Variants in SKAP1 observed in about 807,000 individuals in gnomAD.
SKAP1 encodes src kinase-associated phosphoprotein 1.
SKAP1 carries 44 observed loss-of-function variants against 58.5 expected under a neutral mutation model. The ratio of observed to expected loss-of-function variants is 0.75; its 90% CI spans 0.59 to 0.97. SKAP1 has a LOEUF of 0.97. Among genes scored for constraint, SKAP1 ranks in the 50% least tolerant of loss-of-function variants. The probability of loss-of-function intolerance (pLI) is 0.00; values close to 1 mark genes in which losing one functional copy is unlikely to be tolerated. For missense variants in SKAP1, 390 were observed against 435.2 expected (o/e 0.90, Z 0.92); for synonymous variants, 127 against 149.7 (o/e 0.85, Z 1.11).
At chr17:48,389,959 TA>T (rs1364331361) in intron 2 of SKAP1, among the ~76,000 whole-genome samples, 1 of 152,148 alleles carries the variant, frequency 6.6e-6, no homozygotes, top group Non-Finnish European at 1.5e-5. Flanking sequence ...AACATTTATT[TA>T]AAAAAATAAT....
At chr17:48,276,858 G>A (rs1018907633) in intron 4 of SKAP1, among the ~76,000 whole-genome samples, 2 of 152,118 alleles carry the variant, frequency 1.3e-5, no homozygotes, top group Non-Finnish European at 2.9e-5. Context: ...AGTTGTATGC[G>A]TTTCTCTGTA....
chr17:48,358,034 T>A (rs989847620), intron 3 of SKAP1, among the ~76,000 whole-genome samples: 1 of 152,208 alleles, frequency 6.6e-6, no homozygotes, highest in African/African-American at 2.4e-5. Context: ...GGAATATTTC[T>A]TTTTTTAAAA....
chr17:48,275,222 G>A (rs1008468743), intron 4 of SKAP1, among the ~76,000 whole-genome samples: 8 of 152,016 alleles, frequency 5.3e-5, no homozygotes, highest in Non-Finnish European at 1.0e-4. Flanking sequence ...TTGTCCTTTC[G>A]AATGTACCCA....
At chr17:48,324,425 C>A (rs149879132) in intron 4 of SKAP1, among the ~76,000 whole-genome samples, 48 of 152,166 alleles carry the variant, frequency 3.2e-4, no homozygotes, top group African/African-American at 1.1e-3. Context: ...TGAAAAGTAA[C>A]TTTCATTGCT....
intron 9 of SKAP1, 120 bp from the exon 10 acceptor site, chr17:48,170,779 C>T (rs1038353441): frequency 8.6e-6 from 7 of 817,322 alleles, no homozygotes; most frequent in South Asian, 3.4e-5. Context: ...GAACGATTTT[C>T]GGTTCACTGC....
chr17:48,307,531 T>C (rs2066162422), intron 4 of SKAP1: 1 of 152,250 alleles, frequency 6.6e-6, no homozygotes, highest in African/African-American at 2.4e-5. Context: ...GCTGTACAAT[T>C]TATTTCAATT....
intron 4 of SKAP1, among the ~76,000 whole-genome samples, chr17:48,222,179 G>A (rs532932040): frequency 2.6e-5 from 4 of 152,250 alleles, no homozygotes; most frequent in East Asian, 3.9e-4. Context: ...GAGCCTAAGC[G>A]TAGGGAGCTG....
At chr17:48,347,423 G>T (rs1450637212) in intron 3 of SKAP1, among the ~76,000 whole-genome samples, 2 of 152,136 alleles carry the variant, frequency 1.3e-5, no homozygotes, top group African/African-American at 4.8e-5. Flanking sequence ...AAACTAGAAA[G>T]CCAGGGAGGT....
At chr17:48,219,601 T>C (rs1474784670) in intron 4 of SKAP1, among the ~76,000 whole-genome samples, 1 of 152,236 alleles carries the variant, frequency 6.6e-6, no homozygotes, top group East Asian at 1.9e-4. Flanking sequence ...CTGACTTTCA[T>C]ACTTTTGTGT....
intron 4 of SKAP1, among the ~76,000 whole-genome samples, chr17:48,207,331 C>T (rs1462286249): frequency 6.6e-6 from 1 of 151,700 alleles, no homozygotes; most frequent in East Asian, 1.9e-4. Flanking sequence ...ACTAAAAATA[C>T]AAAAATTAGC....
At chr17:48,413,523 A>AAAAAAAAAAATATATATATATAT in intron 1 of SKAP1, among the ~76,000 whole-genome samples, 42 of 105,480 alleles carry the variant, frequency 4.0e-4, no homozygotes, top group African/African-American at 1.6e-3. Flanking sequence ...TCAAAAAAAA[A>AAAAAAAAAAATATATATATATAT]ATATATATAT....
intron 2 of SKAP1, among the ~76,000 whole-genome samples, chr17:48,381,950 A>G (rs1223706400): frequency 6.6e-6 from 1 of 152,210 alleles, no homozygotes; most frequent in Non-Finnish European, 1.5e-5. Flanking sequence ...TTGAGCCTCA[A>G]TAAGAGTGCT....
intron 8 of SKAP1, among the ~76,000 whole-genome samples, chr17:48,181,891 C>G (rs1264209687): frequency 6.6e-6 from 1 of 152,074 alleles, no homozygotes; most frequent in Non-Finnish European, 1.5e-5. Context: ...TCTTCCCATC[C>G]CAAAGCAAGG....
chr17:48,288,282 TTC>T, intron 4 of SKAP1, among the ~76,000 whole-genome samples: 1 of 152,338 alleles, frequency 6.6e-6, no homozygotes, highest in African/African-American at 2.4e-5. Context: ...ATAGCAATAA[TTC>T]TCTCTCTATA....
chr17:48,294,933 G>T (rs925858165), intron 4 of SKAP1, among the ~76,000 whole-genome samples: 1 of 152,130 alleles, frequency 6.6e-6, no homozygotes, highest in African/African-American at 2.4e-5. Context: ...CATGGTAAGG[G>T]TATATGATGG....
At chr17:48,157,060 A>ACAT (rs1215339614) in intron 11 of SKAP1, among the ~76,000 whole-genome samples, 2 of 152,206 alleles carry the variant, frequency 1.3e-5, no homozygotes, top group Non-Finnish European at 2.9e-5. Context: ...TCTAATGTAA[A>ACAT]CATCACAACA....
chr17:48,399,502 G>C (rs760988611), intron 1 of SKAP1, among the ~76,000 whole-genome samples: 12 of 152,176 alleles, frequency 7.9e-5, no homozygotes, highest in Non-Finnish European at 1.8e-4. Context: ...GCTCGTGCCT[G>C]TAATCCCAAC....
intron 4 of SKAP1, among the ~76,000 whole-genome samples, chr17:48,334,543 A>G (rs912538923): frequency 3.9e-5 from 6 of 151,900 alleles, no homozygotes; most frequent in African/African-American, 1.4e-4. Flanking sequence ...AGTTTTTATA[A>G]AAATCCACAA....
At chr17:48,288,358 G>C (rs1344068824) in intron 4 of SKAP1, among the ~76,000 whole-genome samples, 1 of 152,182 alleles carries the variant, frequency 6.6e-6, no homozygotes, top group Non-Finnish European at 1.5e-5. Context: ...CACTGGCTAA[G>C]AATCTATCAA....
Sources: allele counts gnomAD v4.1 joint callset (sites outside exome capture counted in the v4.1 genomes callset), GRCh38; gene constraint gnomAD v4.1.1; transcripts MANE v1.5; gene names NCBI Gene and HGNC (gene_info 2026-07-23, HGNC 2026-07-21).